DCDC2: variants seen among roughly 807,000 people sequenced by gnomAD.
DCDC2 encodes the protein doublecortin domain-containing protein 2.
DCDC2 carries 40 observed loss-of-function variants against 50.2 expected under a neutral mutation model. The ratio of observed to expected loss-of-function variants is 0.80; its 90% CI spans 0.62 to 1.04. The LOEUF (loss-of-function observed/expected upper bound fraction) is 1.04. DCDC2 is among the 50% of genes least tolerant of loss of function. DCDC2 has a pLI of 0.00. For missense variants in DCDC2, 570 were observed against 581.9 expected, an observed-to-expected ratio of 0.98 and a Z score of 0.21; for synonymous variants, 234 against 210.6, an observed-to-expected ratio of 1.11 and a Z score of -0.96.
chr6:24,266,291 T>G (rs987510109), intron 7 of DCDC2, among the ~76,000 whole-genome samples: 1 of 152,124 alleles, frequency 6.6e-6, no homozygotes, highest in Non-Finnish European at 1.5e-5. Flanking sequence ...GGGCAAAGAT[T>G]TCTTGAGTAA....
At chr6:24,262,955 C>T (rs1443441459) in intron 7 of DCDC2, among the ~76,000 whole-genome samples, 1 of 152,198 alleles carries the variant, frequency 6.6e-6, no homozygotes, top group African/African-American at 2.4e-5. Context: ...TGATCCAGTG[C>T]AGTCCCAGTG....
intron 1 of DCDC2, chr6:24,357,225 T>C (rs1000829594): frequency 4.5e-6 from 2 of 443,988 alleles, no homozygotes; most frequent in African/African-American, 4.0e-5. Context: ...CTGTTGTTTA[T>C]ACACAGATTT....
chr6:24,376,033 A>AC, the DCDC2 span, among the ~76,000 whole-genome samples: 1 of 151,838 alleles, frequency 6.6e-6, no homozygotes, highest in Non-Finnish European at 1.5e-5. Flanking sequence ...TCCTGGAAAA[A>AC]AAAAAACAAA....
At chr6:24,296,683 A>G (rs865967518) in intron 4 of DCDC2, among the ~76,000 whole-genome samples, 2 of 152,242 alleles carry the variant, frequency 1.3e-5, no homozygotes, top group African/African-American at 4.8e-5. Context: ...AAAAGAAGAC[A>G]TACTTGCAGC....
chr6:24,180,543 C>T (rs1335199429), intron 8 of DCDC2, among the ~76,000 whole-genome samples: 1 of 152,088 alleles, frequency 6.6e-6, no homozygotes, highest in Non-Finnish European at 1.5e-5. Flanking sequence ...CTGCCTCAGC[C>T]TCCCAAAGTG....
chr6:24,225,213 CTTTT>C (rs1260488010), intron 7 of DCDC2, among the ~76,000 whole-genome samples: 1 of 152,068 alleles, frequency 6.6e-6, no homozygotes, highest in Non-Finnish European at 1.5e-5. Flanking sequence ...ACTCTGGGTG[CTTTT>C]TTTAAATTTC....
At chr6:24,233,223 G>C (rs2113784805) in intron 7 of DCDC2, among the ~76,000 whole-genome samples, 1 of 152,264 alleles carries the variant, frequency 6.6e-6, no homozygotes, top group Admixed American at 6.5e-5. Context: ...TTCACAAATA[G>C]CTCAACACAA....
At chr6:24,217,560 C>T (rs1237811562) in intron 7 of DCDC2, among the ~76,000 whole-genome samples, 2 of 152,170 alleles carry the variant, frequency 1.3e-5, no homozygotes, top group Non-Finnish European at 2.9e-5. Flanking sequence ...GCAAATCAGT[C>T]ATCCTGAATA....
At chr6:24,359,386 A>G (rs868101466), upstream of DCDC2, among the ~76,000 whole-genome samples, 38 of 75,154 alleles carry the variant, frequency 5.1e-4, no homozygotes, top group African/African-American at 1.9e-3. Flanking sequence ...TATTTTATAT[A>G]TTATATATTA....
intron 2 of DCDC2, among the ~76,000 whole-genome samples, chr6:24,330,215 C>G (rs1254835221): frequency 6.6e-6 from 1 of 152,152 alleles, no homozygotes; most frequent in Non-Finnish European, 1.5e-5. Flanking sequence ...GTATTACTTT[C>G]ATTATGAGCA....
intron 2 of DCDC2, among the ~76,000 whole-genome samples, chr6:24,303,075 C>T (rs2113839283): frequency 6.6e-6 from 1 of 151,864 alleles, no homozygotes; most frequent in African/African-American, 2.4e-5. Flanking sequence ...TGATTTTGTC[C>T]CCGGCTGTCT....
At chr6:24,332,867 A>G (rs1759990837) in intron 2 of DCDC2, among the ~76,000 whole-genome samples, 1 of 152,216 alleles carries the variant, frequency 6.6e-6, no homozygotes, top group Non-Finnish European at 1.5e-5. Flanking sequence ...AAAAATGAGT[A>G]TAAACAGGCA....
At chr6:24,281,489 A>G (rs1763470091) in intron 6 of DCDC2, among the ~76,000 whole-genome samples, 2 of 22,128 alleles carry the variant, frequency 9.0e-5, no homozygotes, top group Admixed American at 5.9e-4. Flanking sequence ...GCTTTTAAGA[A>G]AAAAAAAAAA....
At chr6:24,304,869 G>A (rs370469039) in intron 2 of DCDC2, among the ~76,000 whole-genome samples, 2 of 151,978 alleles carry the variant, frequency 1.3e-5, no homozygotes, top group African/African-American at 2.4e-5. Context: ...ACAGTGGTGC[G>A]ATCACAGCTC....
At chr6:24,277,990 T>C in intron 7 of DCDC2, 59 bp downstream of exon 7, 11 of 1,359,900 alleles carry the variant, frequency 8.1e-6, no homozygotes, top group Non-Finnish European at 1.1e-5. Flanking sequence ...AGAGAAACAA[T>C]GGATCTATTT....
chr6:24,372,578 G>C, the DCDC2 span, among the ~76,000 whole-genome samples: 1 of 152,102 alleles, frequency 6.6e-6, no homozygotes, highest in Non-Finnish European at 1.5e-5. Context: ...ATGGAATACT[G>C]TGCAGCCATA....
chr6:24,347,231 C>T (rs1760281720), intron 2 of DCDC2, among the ~76,000 whole-genome samples: 1 of 152,116 alleles, frequency 6.6e-6, no homozygotes, highest in Non-Finnish European at 1.5e-5. Context: ...AAGAAATCTG[C>T]CTTACACCAG....
chr6:24,277,267 GGT>G lies in DCDC2; in HGVS notation c.922+780_922+781del, dbSNP rs1763380943. Among the ~76,000 whole-genome samples, 3 of 15,796 alleles carry G rather than the reference GGT, an allele frequency of 1.9e-4. No homozygotes were observed. In the Admixed American group the frequency reaches 3.5e-3, roughly 18 times the overall value. 10.4% of individuals were successfully genotyped at this position (15,796 alleles called of 152,430 possible). The stretch of plus-strand genomic sequence containing the variant: ...GAACCCCTCACAGTCCCACGGGTGG[GGT>G]GTGGTGGGGTGGGGTGTGTGAGGGG... On this transcript the variant is annotated intron_variant, in intron 7 of 9. Coordinates refer to ENST00000378454, the MANE Select transcript of DCDC2 (RefSeq NM_016356.5).
intron 7 of DCDC2, among the ~76,000 whole-genome samples, chr6:24,256,145 T>C (rs1762893271): frequency 6.6e-6 from 1 of 152,220 alleles, no homozygotes; most frequent in South Asian, 2.1e-4. Context: ...ACATAGTATG[T>C]GGTTTTATTT....
Sources: gnomAD v4.1 joint callset for allele counts (sites outside exome capture counted in the v4.1 genomes callset) on GRCh38, gnomAD v4.1.1 for gene constraint, MANE v1.5 for transcripts, NCBI Gene and HGNC (gene_info 2026-07-23, HGNC 2026-07-21) for gene names.